Variants in MAP2K4 observed in about 807,000 individuals in gnomAD.
The protein encoded by MAP2K4 is dual specificity mitogen-activated protein kinase kinase 4.
A neutral mutation model predicts 48.5 loss-of-function variants in MAP2K4; 4 were observed. The ratio of observed to expected loss-of-function variants is 0.08; its 90% CI spans 0.04 to 0.19. MAP2K4 has a LOEUF of 0.19. Ranked by LOEUF, MAP2K4 falls within the 10% of genes least tolerant of loss-of-function variation. The probability of loss-of-function intolerance (pLI) is 1.00; values close to 1 mark genes in which losing one functional copy is unlikely to be tolerated. For synonymous variants in MAP2K4, 166 were observed against 173.1 expected, an observed-to-expected ratio of 0.96 and a Z score of 0.32; for missense variants, 258 against 493.3, an observed-to-expected ratio of 0.52 and a Z score of 4.52.
chr17:12,091,800 A>G (rs961303905), intron 3 of MAP2K4, among the ~76,000 whole-genome samples: 2 of 152,156 alleles, frequency 1.3e-5, no homozygotes, highest in African/African-American at 2.4e-5. Context: ...AAGTTTATAA[A>G]TTTCTTTACT....
At chr17:12,116,696 A>G (rs1177389353) in intron 7 of MAP2K4, among the ~76,000 whole-genome samples, 4 of 152,208 alleles carry the variant, frequency 2.6e-5, no homozygotes, top group African/African-American at 7.2e-5. Context: ...ACTGTCTTCT[A>G]CATCCACATC....
At chr17:12,068,659 A>C (rs980602686) in intron 2 of MAP2K4, among the ~76,000 whole-genome samples, 3 of 152,068 alleles carry the variant, frequency 2.0e-5, no homozygotes, top group Non-Finnish European at 4.4e-5. Flanking sequence ...ATCTGTAAAT[A>C]GGGGTCATAG....
At position 12,104,302 on chromosome 17, in the gene MAP2K4, T is replaced by C. The variant is rs183849599; in HGVS notation, c.514-3488T>C. Among the ~76,000 whole-genome samples, 324 of 152,228 alleles carry C rather than the reference T, an allele frequency of 2.1e-3. 7 individuals carry two copies. Among genetic ancestry groups the C allele is most frequent in the Non-Finnish European group, 4.3e-4 (29 of 68,000 alleles). On this transcript the variant is annotated intron_variant, in intron 4 of 10. Transcript: ENST00000353533. ...GAGTCACAAACCAGTGGTTTTGTGT[T>C]GATACCTCTTTGGCTGCCTTTCTAT...
intron 9 of MAP2K4, among the ~76,000 whole-genome samples, chr17:12,135,483 C>T (rs931614457): frequency 3.3e-5 from 5 of 152,220 alleles, no homozygotes; most frequent in Non-Finnish European, 5.9e-5. Context: ...CCTCCTGCCT[C>T]GGCTTCCCGG....
At chr17:12,125,212 C>T (rs749999737) in intron 7 of MAP2K4, 82 bp from the exon 8 acceptor site, 6 of 950,714 alleles carry the variant, frequency 6.3e-6, no homozygotes, top group African/African-American at 1.6e-5. Flanking sequence ...GGCATTTTGG[C>T]TGTCTACCCA....
At chr17:12,064,127 A>G (rs539694290) in intron 2 of MAP2K4, among the ~76,000 whole-genome samples, 2 of 152,148 alleles carry the variant, frequency 1.3e-5, no homozygotes, top group African/African-American at 2.4e-5. Flanking sequence ...AAAACTCAAA[A>G]CAACCCAGTT....
rs2151598708 is a variant in MAP2K4 at position 12,139,887 on chromosome 17, G to A, written c.1086+3G>A. The A allele has an allele frequency of 6.2e-7, 1 of 1,605,248 alleles. No individual in the cohort carries two copies. The highest frequency in any genetic ancestry group is 1.7e-4 in the Middle Eastern group (1 of 6,036). ...GGCCAAAGTATAAAGAGCTTCTGGT[G>A]AGTGTGGGACTGTGGGGATTGTAGG... On this transcript the variant is annotated splice_donor_region_variant and intron_variant, in intron 10 of 10. Coordinates refer to ENST00000353533, the MANE Select transcript of MAP2K4 (RefSeq NM_003010.4).
At chr17:12,044,772 C>A (rs1969905859) in intron 1 of MAP2K4, among the ~76,000 whole-genome samples, 1 of 152,204 alleles carries the variant, frequency 6.6e-6, no homozygotes, top group Non-Finnish European at 1.5e-5. Context: ...GCTTCAGATA[C>A]CAGTTGTTAA....
chr17:12,058,989 T>C (rs1970369184), intron 2 of MAP2K4, among the ~76,000 whole-genome samples: 2 of 152,324 alleles, frequency 1.3e-5, no homozygotes, highest in South Asian at 2.1e-4. Flanking sequence ...CATTCAGAAA[T>C]TTAATTCTTT....
intron 4 of MAP2K4, among the ~76,000 whole-genome samples, chr17:12,103,166 A>G (rs984615651): frequency 6.6e-6 from 1 of 151,066 alleles, no homozygotes; most frequent in Non-Finnish European, 1.5e-5. Context: ...CAGTCTCCTG[A>G]GTAGCTGGGA....
chr17:12,135,514 G>A (rs542186304), intron 9 of MAP2K4, among the ~76,000 whole-genome samples: 6 of 152,246 alleles, frequency 3.9e-5, no homozygotes, highest in African/African-American at 9.6e-5. Context: ...TTACAGTGGC[G>A]TGAGCCACTG....
chr17:12,049,681 TCATAAAGGG>T (rs1478074576), intron 1 of MAP2K4, among the ~76,000 whole-genome samples: 3 of 152,178 alleles, frequency 2.0e-5, no homozygotes, highest in Non-Finnish European at 4.4e-5. Context: ...CTGCAAGGCC[TCATAAAGGG>T]CTTAGATTTG....
At chr17:12,070,198 G>T (rs1246044547) in intron 2 of MAP2K4, among the ~76,000 whole-genome samples, 4 of 151,882 alleles carry the variant, frequency 2.6e-5, no homozygotes, top group Non-Finnish European at 4.4e-5. Flanking sequence ...CTAGGCACAA[G>T]AAGATATTTA....
chr17:12,095,833 A>G, intron 4 of MAP2K4, 139 bp downstream of exon 4: 2 of 1,039,316 alleles, frequency 1.9e-6, no homozygotes, highest in Non-Finnish European at 1.4e-6. Flanking sequence ...AACCATGGTA[A>G]TTTACATATT....
chr17:12,065,225 C>G (rs1448094370), intron 2 of MAP2K4, among the ~76,000 whole-genome samples: 4 of 148,796 alleles, frequency 2.7e-5, no homozygotes, highest in African/African-American at 9.9e-5. Flanking sequence ...ATTTTAAAAG[C>G]AATCCTGAAC....
At chr17:12,130,667 G>GAAC (rs1972992060) in intron 9 of MAP2K4, among the ~76,000 whole-genome samples, 1 of 152,126 alleles carries the variant, frequency 6.6e-6, no homozygotes, top group Non-Finnish European at 1.5e-5. Flanking sequence ...CCCTGAGTAG[G>GAAC]TTCATAGTTC....
chr17:12,125,235 A>C (rs1972818068), intron 7 of MAP2K4, 59 bp from the exon 8 acceptor site: 1 of 1,298,400 alleles, frequency 7.7e-7, no homozygotes, highest in Non-Finnish European at 1.1e-6. Flanking sequence ...TGTTGCTTCC[A>C]TTTGCCTATT....
intron 4 of MAP2K4, among the ~76,000 whole-genome samples, chr17:12,099,269 G>GTA (rs1210620657): frequency 6.6e-6 from 1 of 150,852 alleles, no homozygotes; most frequent in Non-Finnish European, 1.5e-5. Flanking sequence ...TGTCTATTGT[G>GTA]TATATATGTC....
intron 1 of MAP2K4, among the ~76,000 whole-genome samples, chr17:12,032,980 T>G (rs1969484374): frequency 6.6e-6 from 1 of 152,080 alleles, no homozygotes; most frequent in South Asian, 2.1e-4. Context: ...GGACTGCAGG[T>G]GCATGCCACC....
Sources: gnomAD v4.1 joint callset for allele counts (sites outside exome capture counted in the v4.1 genomes callset) on GRCh38, gnomAD v4.1.1 for gene constraint, MANE v1.5 for transcripts, NCBI Gene and HGNC (gene_info 2026-07-23, HGNC 2026-07-21) for gene names.